Variants in HECW2 observed in about 807,000 individuals in gnomAD.
HECW2 encodes E3 ubiquitin-protein ligase HECW2.
A neutral mutation model predicts 175.2 loss-of-function variants in HECW2; 61 were observed. The ratio of observed to expected loss-of-function variants is 0.35; its 90% CI spans 0.28 to 0.43. The LOEUF (loss-of-function observed/expected upper bound fraction) is 0.43, where lower values mean the gene tolerates loss of function less well. HECW2 is among the 20% of genes least tolerant of loss of function. The probability of loss-of-function intolerance (pLI) is 1.00; values close to 1 mark genes in which losing one functional copy is unlikely to be tolerated. For synonymous variants in HECW2, 671 were observed against 731.0 expected (o/e 0.92, Z 1.32); for missense variants, 1,524 against 2,000.5 (o/e 0.76, Z 4.54).
rs542082800 is a variant in HECW2, at chr2:196,202,963, A to G, written c.4608-1575T>C. Among the ~76,000 whole-genome samples the G allele has an allele frequency of 5.9e-5, 9 of 152,310 alleles. No individual in the cohort carries two copies. The South Asian group carries it at 1.5e-3, about 25-fold the overall frequency. On this transcript the variant is annotated intron_variant, in intron 28 of 28. Transcript: ENST00000644978. Reference sequence around the variant, plus strand: ...GTATACACAGACTGAAGGTAATTTTATACCATATTTACATAATTTGGTTCA... The same window carrying G: ...GTATACACAGACTGAAGGTAATTTTGTACCATATTTACATAATTTGGTTCA...
At chr2:196,466,041 G>T (rs958340248) in intron 1 of HECW2, among the ~76,000 whole-genome samples, 31 of 152,126 alleles carry the variant, frequency 2.0e-4, no homozygotes, top group African/African-American at 7.2e-4. Flanking sequence ...TGGCTGTTAA[G>T]AATATTTTTT....
At chr2:196,262,840 C>A (rs1009119312) in intron 17 of HECW2, among the ~76,000 whole-genome samples, 5 of 152,068 alleles carry the variant, frequency 3.3e-5, no homozygotes, top group Non-Finnish European at 7.4e-5. Flanking sequence ...ATTACAGGCA[C>A]GAGCTATGGT....
chr2:196,581,091 G>C (rs1400654585), intron 1 of HECW2, among the ~76,000 whole-genome samples: 5 of 152,164 alleles, frequency 3.3e-5, no homozygotes, highest in Non-Finnish European at 2.9e-5. Context: ...GTCCAGAATA[G>C]GCAAATCTAG....
At chr2:196,239,892 G>A (rs1409737691) in intron 21 of HECW2, 1 of 152,274 alleles carries the variant, frequency 6.6e-6, no homozygotes, top group Admixed American at 6.5e-5. Flanking sequence ...GGACATGTTT[G>A]TTTATGTTAG....
At chr2:196,291,124 T>C (rs1016416277) in intron 14 of HECW2, 5 of 152,072 alleles carry the variant, frequency 3.3e-5, no homozygotes, top group Admixed American at 6.5e-5. Flanking sequence ...TAAGAGGCTA[T>C]TGTGGTAAAG....
chr2:196,555,414 T>C (rs949305693), intron 1 of HECW2, among the ~76,000 whole-genome samples: 1 of 152,140 alleles, frequency 6.6e-6, no homozygotes, highest in Admixed American at 6.5e-5. Context: ...CATGACCTAA[T>C]CACCTGCCAA....
At chr2:196,454,623 A>T (rs1696449056) in intron 1 of HECW2, among the ~76,000 whole-genome samples, 1 of 152,270 alleles carries the variant, frequency 6.6e-6, no homozygotes, top group South Asian at 2.1e-4. Flanking sequence ...CATGATAAGC[A>T]TTCCCATATC....
chr2:196,429,396 T>C (rs1325691898), intron 2 of HECW2, among the ~76,000 whole-genome samples: 1 of 152,164 alleles, frequency 6.6e-6, no homozygotes, highest in Non-Finnish European at 1.5e-5. Flanking sequence ...AGAAATCTAT[T>C]AGAAAATACA....
At chr2:196,557,653 G>C (rs1469025712) in intron 1 of HECW2, among the ~76,000 whole-genome samples, 1 of 152,096 alleles carries the variant, frequency 6.6e-6, no homozygotes, top group Non-Finnish European at 1.5e-5. Flanking sequence ...ACAAGTTTTA[G>C]GGCATAAGTA....
intron 1 of HECW2, among the ~76,000 whole-genome samples, chr2:196,514,397 C>T (rs1429944968): frequency 6.6e-6 from 1 of 152,186 alleles, no homozygotes; most frequent in Non-Finnish European, 1.5e-5. Flanking sequence ...GGCCTGTAGG[C>T]GCTCCTCAGC....
intron 2 of HECW2, among the ~76,000 whole-genome samples, chr2:196,346,759 T>C (rs1172393074): frequency 6.6e-6 from 1 of 151,922 alleles, no homozygotes; most frequent in African/African-American, 2.4e-5. Flanking sequence ...CTAGCACTTT[T>C]GGAGGCTGAG....
chr2:196,427,287 C>T (rs905069354), intron 2 of HECW2, among the ~76,000 whole-genome samples: 2 of 148,178 alleles, frequency 1.3e-5, no homozygotes, highest in South Asian at 2.2e-4. Context: ...ATAGTATACA[C>T]TTTTACATTT....
rs1686648811 is a variant in HECW2, at chr2:196,195,251, AG to A, written c.*6025del. 2 of 152,224 alleles carry A rather than the reference AG, an allele frequency of 1.3e-5. No homozygotes were observed. The highest frequency in any genetic ancestry group is 4.1e-4 in the South Asian group (2 of 4,834). The allele number at this position is 152,224 out of a possible 1,614,324, so 9.4% of individuals were successfully genotyped here. A position where few individuals can be genotyped will look rare whatever the true frequency, so the allele number is the denominator to read the frequency against. Reference sequence around the variant, plus strand: ...TTTTATGAAGGTGATAGTAACCAGAAGTTGACTGATGGTTCCTTACCTGCAT... The same window carrying A: ...TTTTATGAAGGTGATAGTAACCAGAATTGACTGATGGTTCCTTACCTGCAT... On this transcript the variant is annotated 3_prime_UTR_variant, in exon 29 of 29. Transcript: ENST00000644978.
At position 196,217,066 on chromosome 2, in the gene HECW2, C is replaced by A. The variant is rs143511416; in HGVS notation, c.4436G>T (p.Arg1479Leu). The A allele has an allele frequency of 6.3e-7, 1 of 1,576,548 alleles. No homozygotes were observed. The highest frequency in any genetic ancestry group is 8.6e-7 in the Non-Finnish European group (1 of 1,165,820). The change falls in exon 27 of 29, where the codon CGG (arginine) becomes CTG (leucine). Residue 1479 changes from arginine to leucine, a missense_variant. Arg to Leu is a moderately radical substitution (Grantham distance 102, BLOSUM62 -2). This residue lies in a region of HECW2 where 134 missense variants were observed against 287.8 expected (regional missense o/e 0.47). Coordinates refer to ENST00000644978, the MANE Select transcript of HECW2 (RefSeq NM_001348768.2). The stretch of plus-strand genomic sequence containing the variant: ...TCTTTCCACTGCAGCCCAGAACCAC[C>A]GAATTACAATATGATTGTCATGGTA... ...GGYHDNHIVI[R>L]WFWAAVERFN...
chr2:196,406,344 G>A (rs535310325), intron 2 of HECW2, among the ~76,000 whole-genome samples: 4 of 152,224 alleles, frequency 2.6e-5, no homozygotes, highest in South Asian at 4.1e-4. Flanking sequence ...TGATACTTCT[G>A]TTTCCCACAC....
chr2:196,232,676 A>T (rs1688100273), intron 21 of HECW2, among the ~76,000 whole-genome samples: 1 of 152,242 alleles, frequency 6.6e-6, no homozygotes, highest in African/African-American at 2.4e-5. Flanking sequence ...TTAACATGTA[A>T]TATCTTCTCA....
intron 1 of HECW2, among the ~76,000 whole-genome samples, chr2:196,461,130 T>C (rs1696728313): frequency 1.3e-5 from 2 of 151,676 alleles, no homozygotes; most frequent in Non-Finnish European, 2.9e-5. Context: ...AAAGAAAGCA[T>C]ACATGGATAA....
intron 3 of HECW2, among the ~76,000 whole-genome samples, chr2:196,337,352 T>G (rs1260041437): frequency 1.3e-5 from 2 of 150,176 alleles, no homozygotes; most frequent in Non-Finnish European, 3.0e-5. Flanking sequence ...CTGAGAAATA[T>G]ATACAAAGGC....
chr2:196,383,828 G>A (rs1190997824), intron 2 of HECW2, among the ~76,000 whole-genome samples: 1 of 152,200 alleles, frequency 6.6e-6, no homozygotes, highest in Admixed American at 6.5e-5. Flanking sequence ...TCCCTAAGAC[G>A]TGAACATGGA....
Sources: gnomAD v4.1 joint callset for allele counts (sites outside exome capture counted in the v4.1 genomes callset) on GRCh38, gnomAD v4.1.1 for gene constraint, gnomAD v4.1.1 regional missense constraint, MANE v1.5 for transcripts, NCBI Gene and HGNC (gene_info 2026-07-23, HGNC 2026-07-21) for gene names.